Variants in GPR158 observed in about 807,000 individuals in gnomAD.
The protein encoded by GPR158 is G protein-coupled receptor 158.
Under a neutral mutation model 78.2 loss-of-function variants are expected in GPR158, and 30 were observed. The observed-to-expected ratio is 0.38, with a 90% CI of 0.29 to 0.52. The LOEUF (loss-of-function observed/expected upper bound fraction) is 0.52. Among genes scored for constraint, GPR158 ranks in the 20% least tolerant of loss-of-function variants. The pLI is 0.83. For synonymous variants in GPR158, 581 were observed against 591.1 expected, an observed-to-expected ratio of 0.98 and a Z score of 0.25; for missense variants, 1,463 against 1,523.5, an observed-to-expected ratio of 0.96 and a Z score of 0.66.
chr10:25,473,101 T>C (rs1388457473), intron 5 of GPR158, among the ~76,000 whole-genome samples: 3 of 152,088 alleles, frequency 2.0e-5, no homozygotes, highest in Non-Finnish European at 4.4e-5. Context: ...TTGTCATAGA[T>C]AGCTCTTATT....
chr10:25,415,015 CA>C lies in GPR158; in HGVS notation c.1335+2547del, dbSNP rs201777439. On this transcript the variant is annotated intron_variant, in intron 4 of 10. Coordinates refer to ENST00000376351, the MANE Select transcript of GPR158 (RefSeq NM_020752.3). ...TAAAATGGCATTCACACACCATATA[CA>C]AAAATTAAATTAAAATGGATCATAG... Among the ~76,000 whole-genome samples the C allele has an allele frequency of 1.7e-4, 26 of 152,058 alleles. No homozygotes were observed. In the East Asian group the frequency reaches 5.0e-3, roughly 29 times the overall value.
At chr10:25,493,244 G>A (rs1462273488) in intron 5 of GPR158, among the ~76,000 whole-genome samples, 1 of 152,128 alleles carries the variant, frequency 6.6e-6, no homozygotes, top group Non-Finnish European at 1.5e-5. Flanking sequence ...CACAATTGCA[G>A]CAAATGCCCT....
intron 5 of GPR158, among the ~76,000 whole-genome samples, chr10:25,484,965 C>T (rs896404070): frequency 6.6e-6 from 1 of 151,880 alleles, no homozygotes; most frequent in African/African-American, 2.4e-5. Flanking sequence ...CTCTGGGAAA[C>T]GTGCTCAGAA....
intron 2 of GPR158, among the ~76,000 whole-genome samples, chr10:25,229,266 T>C (rs1218331428): frequency 2.0e-5 from 3 of 152,088 alleles, no homozygotes; most frequent in Non-Finnish European, 4.4e-5. Context: ...CATCGCTATA[T>C]TTAGGGACTC....
At chr10:25,241,369 T>C (rs372686884) in intron 2 of GPR158, among the ~76,000 whole-genome samples, 1,482 of 84,956 alleles carry the variant, frequency 0.017, 25 homozygotes, top group African/African-American at 0.032. Context: ...TCTCTTTTCT[T>C]TTCTCTCTTC....
Position 25,362,054 on chromosome 10 carries a change from C to T in GPR158, c.1009-33857C>T, listed in dbSNP as rs535001760. 3.0e-3 allele frequency among the ~76,000 whole-genome samples: 455 copies of T among 151,988 alleles called. 2 individuals are homozygous for T. The highest frequency in any genetic ancestry group is 0.011 in the African/African-American group (445 of 41,514). ...CTGTTAAAGAAATTATTCTCAAGTC[C>T]TGAGAATATCCTGAAATATTTCCTG... On this transcript the variant is annotated intron_variant, in intron 2 of 10. Transcript: ENST00000376351.
Position 25,596,627 on chromosome 10 carries a change from A to G in GPR158, c.1999-16A>G, listed in dbSNP as rs1355667589. The G allele has an allele frequency of 2.5e-6, 4 of 1,605,646 alleles. No homozygotes were observed. Among genetic ancestry groups the G allele is most frequent in the East Asian group, 2.2e-5 (1 of 44,740 alleles). ...CAGTGAGCTAATGTCTACTGCTCAT[A>G]CTGAATTTGTTTCAGTTTTCACATT... On this transcript the variant is annotated splice_polypyrimidine_tract_variant and intron_variant, in intron 9 of 10. Transcript: ENST00000376351.
intron 1 of GPR158, among the ~76,000 whole-genome samples, chr10:25,190,818 A>G (rs1262454251): frequency 6.6e-6 from 1 of 152,212 alleles, no homozygotes; most frequent in Non-Finnish European, 1.5e-5. Flanking sequence ...CTGAAGAGTG[A>G]CCAATTCTTT....
chr10:25,184,781 T>C (rs1852658076), intron 1 of GPR158, among the ~76,000 whole-genome samples: 1 of 152,256 alleles, frequency 6.6e-6, no homozygotes, highest in Admixed American at 6.5e-5. Flanking sequence ...TTACTTCTTA[T>C]GTAGCAATGT....
chr10:25,491,853 C>G (rs542805838), intron 5 of GPR158, among the ~76,000 whole-genome samples: 2 of 152,202 alleles, frequency 1.3e-5, no homozygotes, highest in East Asian at 1.9e-4. Flanking sequence ...ATGCATTTGT[C>G]ACATTCTCAA....
At chr10:25,523,177 A>G (rs1836301320) in intron 5 of GPR158, among the ~76,000 whole-genome samples, 1 of 152,210 alleles carries the variant, frequency 6.6e-6, no homozygotes, top group African/African-American at 2.4e-5. Context: ...CAGATGGGTC[A>G]ACACAGGCAT....
At chr10:25,478,880 G>A (rs2130633508) in intron 5 of GPR158, among the ~76,000 whole-genome samples, 1 of 145,442 alleles carries the variant, frequency 6.9e-6, no homozygotes, top group South Asian at 2.2e-4. Context: ...CCACCTATGA[G>A]TGAGAACATG....
chr10:25,438,598 G>A (rs1835029007), intron 4 of GPR158, among the ~76,000 whole-genome samples: 1 of 152,162 alleles, frequency 6.6e-6, no homozygotes, highest in Non-Finnish European at 1.5e-5. Flanking sequence ...GTTACAAATG[G>A]AAAAATTGAT....
chr10:25,296,811 A>G (rs113815798), intron 2 of GPR158, among the ~76,000 whole-genome samples: 1,573 of 152,310 alleles, frequency 0.01, 34 homozygotes, highest in African/African-American at 0.036. Flanking sequence ...CCACAGTTAC[A>G]CATTTAGGGA....
chr10:25,344,125 A>G (rs182837141), intron 2 of GPR158, among the ~76,000 whole-genome samples: 93 of 152,120 alleles, frequency 6.1e-4, no homozygotes, highest in Admixed American at 1.6e-3. Flanking sequence ...ACCAGCTGAA[A>G]ACATTTTTCA....
At chr10:25,189,260 T>C (rs1852735211) in intron 1 of GPR158, among the ~76,000 whole-genome samples, 1 of 152,216 alleles carries the variant, frequency 6.6e-6, no homozygotes, top group African/African-American at 2.4e-5. Flanking sequence ...GAAATGCCAT[T>C]TGACCCAGCC....
At chr10:25,259,149 T>C (rs1170011306) in intron 2 of GPR158, among the ~76,000 whole-genome samples, 1 of 152,054 alleles carries the variant, frequency 6.6e-6, no homozygotes, top group Non-Finnish European at 1.5e-5. Context: ...CAGAGGAAAA[T>C]CCACATATAA....
intron 2 of GPR158, among the ~76,000 whole-genome samples, chr10:25,355,305 G>T (rs1855533989): frequency 6.6e-6 from 1 of 151,946 alleles, no homozygotes; most frequent in South Asian, 2.1e-4. Context: ...TTCTGCTGCT[G>T]AGAGCCTTTA....
chr10:25,281,706 A>T (rs77022660), intron 2 of GPR158, among the ~76,000 whole-genome samples: 117 of 152,318 alleles, frequency 7.7e-4, no homozygotes, highest in African/African-American at 2.8e-3. Context: ...TATGTAACTA[A>T]CATAAGAAGC....
Sources: gnomAD v4.1 joint callset for allele counts (sites outside exome capture counted in the v4.1 genomes callset) on GRCh38, gnomAD v4.1.1 for gene constraint, MANE v1.5 for transcripts, NCBI Gene and HGNC (gene_info 2026-07-23, HGNC 2026-07-21) for gene names.